The following ADAMTS12 variants were observed in gnomAD, a reference collection of about 807,000 sequenced individuals.
ADAMTS12 encodes ADAM metallopeptidase with thrombospondin type 1 motif 12.
ADAMTS12 carries 118 observed loss-of-function variants against 167.8 expected under a neutral mutation model. The observed-to-expected ratio is 0.70, with a 90% CI of 0.61 to 0.82. ADAMTS12 has a LOEUF of 0.82. ADAMTS12 is among the 40% of genes least tolerant of loss of function. ADAMTS12 has a pLI of 0.00. For synonymous variants in ADAMTS12, 704 were observed against 716.9 expected (o/e 0.98, Z 0.29); for missense variants, 1,916 against 1,998.8 (o/e 0.96, Z 0.79).
intron 3 of ADAMTS12, among the ~76,000 whole-genome samples, chr5:33,749,357 A>T (rs1159523620): frequency 6.6e-6 from 1 of 152,182 alleles, no homozygotes; most frequent in Non-Finnish European, 1.5e-5. Context: ...TCTGACACCA[A>T]TTATCTTGAT....
intron 2 of ADAMTS12, among the ~76,000 whole-genome samples, chr5:33,820,955 A>C (rs1450624659): frequency 6.6e-6 from 1 of 152,174 alleles, no homozygotes; most frequent in Non-Finnish European, 1.5e-5. Context: ...AAAACAACAT[A>C]CACTGCGGCC....
chr5:33,816,420 A>G (rs1371445314), intron 2 of ADAMTS12, among the ~76,000 whole-genome samples: 1 of 152,070 alleles, frequency 6.6e-6, no homozygotes. Flanking sequence ...AACAAGAAAA[A>G]ATATATATTC....
intron 5 of ADAMTS12, among the ~76,000 whole-genome samples, chr5:33,680,851 G>A (rs1263987893): frequency 2.0e-5 from 3 of 152,062 alleles, no homozygotes; most frequent in Non-Finnish European, 4.4e-5. Flanking sequence ...ACAAAATTAG[G>A]TACCAATTTT....
At chr5:33,570,685 C>T (rs1746284883) in intron 19 of ADAMTS12, among the ~76,000 whole-genome samples, 1 of 151,988 alleles carries the variant, frequency 6.6e-6, no homozygotes, top group African/African-American at 2.4e-5. Flanking sequence ...GAAACTGCAT[C>T]AACTAACAAG....
intron 7 of ADAMTS12, 40 bp from the exon 8 acceptor site, chr5:33,649,737 AG>A (rs761210369): frequency 2.3e-5 from 37 of 1,608,522 alleles, no homozygotes; most frequent in African/African-American, 8.0e-5. Context: ...GCCAGCAGGC[AG>A]GCATTAAACA....
At chr5:33,535,285 C>T (rs1561106934) in intron 22 of ADAMTS12, among the ~76,000 whole-genome samples, 1 of 152,192 alleles carries the variant, frequency 6.6e-6, no homozygotes, top group Admixed American at 6.5e-5. Flanking sequence ...CGCCACATGG[C>T]TACAGCACTG....
At chr5:33,651,683 G>C (rs1724640950) in intron 7 of ADAMTS12, among the ~76,000 whole-genome samples, 1 of 152,062 alleles carries the variant, frequency 6.6e-6, no homozygotes, top group Non-Finnish European at 1.5e-5. Flanking sequence ...TACATGTGCA[G>C]GTCTTTTACA....
rs1209963084 is a variant in ADAMTS12 at position 33,524,703 on chromosome 5, AACAGG to A, written c.*2480_*2484del. 1 of 152,270 alleles carries A rather than the reference AACAGG, an allele frequency of 6.6e-6. No homozygotes were observed. The highest frequency in any genetic ancestry group is 1.5e-5 in the Non-Finnish European group (1 of 68,060). The allele number at this position is 152,270 out of a possible 1,614,324, so 9.4% of individuals were successfully genotyped here. A position where few individuals can be genotyped will look rare whatever the true frequency, so the allele number is the denominator to read the frequency against. The stretch of plus-strand genomic sequence containing the variant: ...GATCGCCAAGGCAACAGATGATACC[AACAGG>A]ACAGAAAACAGCAAGCCCTGTCTTC... On this transcript the variant is annotated 3_prime_UTR_variant, in exon 24 of 24. Coordinates refer to ENST00000504830, the MANE Select transcript of ADAMTS12 (RefSeq NM_030955.4).
At chr5:33,716,924 C>T (rs1382084411) in intron 3 of ADAMTS12, among the ~76,000 whole-genome samples, 5 of 152,108 alleles carry the variant, frequency 3.3e-5, no homozygotes, top group African/African-American at 1.2e-4. Context: ...TCTAATAGGA[C>T]TAAATCCTAC....
At chr5:33,884,051 TTC>T (rs141446415) in intron 1 of ADAMTS12, among the ~76,000 whole-genome samples, 2,536 of 152,296 alleles carry the variant, frequency 0.017, 82 homozygotes, top group African/African-American at 0.058. Flanking sequence ...AAATATCTTA[TTC>T]AGCTGGGTAT....
Position 33,887,631 on chromosome 5 carries a change from C to T in ADAMTS12, c.127+4099G>A, listed in dbSNP as rs191946212. 3.4e-4 allele frequency among the ~76,000 whole-genome samples: 52 copies of T among 152,324 alleles called. No homozygotes were observed. In the East Asian group the frequency reaches 6.9e-3, roughly 20 times the overall value. ...TCATGAGAAATTCAAGTAAAGGCTACTGGCACAAGCACTTTTGAAAACACA... is the reference window on the plus strand; with the variant it reads ...TCATGAGAAATTCAAGTAAAGGCTATTGGCACAAGCACTTTTGAAAACACA... On this transcript the variant is annotated intron_variant, in intron 1 of 23. Transcript: ENST00000504830.
intron 5 of ADAMTS12, among the ~76,000 whole-genome samples, chr5:33,663,524 G>A (rs1473296511): frequency 1.3e-5 from 2 of 152,184 alleles, no homozygotes; most frequent in Non-Finnish European, 2.9e-5. Context: ...TACATACGCT[G>A]TCTCTTTTAA....
chr5:33,656,225 A>C (rs532694959), intron 7 of ADAMTS12, among the ~76,000 whole-genome samples: 1 of 152,336 alleles, frequency 6.6e-6, no homozygotes, highest in Non-Finnish European at 1.5e-5. Flanking sequence ...ACTCAGTTCT[A>C]GTCTGTTAAA....
At chr5:33,624,186 C>G (rs938290842) in intron 14 of ADAMTS12, 45 bp downstream of exon 14, 28 of 1,610,756 alleles carry the variant, frequency 1.7e-5, no homozygotes, top group Non-Finnish European at 2.0e-5. Context: ...ATCTTGCCCC[C>G]CACCTTTGGT....
intron 2 of ADAMTS12, among the ~76,000 whole-genome samples, chr5:33,849,594 A>ATTGCATAGCAATACACATG (rs1749131748): frequency 4.7e-5 from 3 of 63,256 alleles, no homozygotes; most frequent in Admixed American, 1.9e-4. Flanking sequence ...CAATACACAT[A>ATTGCATAGCAATACACATG]TGTATTGCAT....
intron 2 of ADAMTS12, among the ~76,000 whole-genome samples, chr5:33,849,591 C>CATATGTATTGCATATCAATAT (rs1749130926): frequency 1.4e-5 from 1 of 68,992 alleles, no homozygotes; most frequent in African/African-American, 5.7e-5. Context: ...TAGCAATACA[C>CATATGTATTGCATATCAATAT]ATATGTATTG....
intron 12 of ADAMTS12, 132 bp from the exon 13 acceptor site, chr5:33,631,045 C>T: frequency 3.0e-6 from 3 of 999,762 alleles, no homozygotes; most frequent in Admixed American, 2.7e-5. Flanking sequence ...CTCCTTGAGA[C>T]ACATGCTGAA....
chr5:33,609,226 T>A (rs890446741), intron 16 of ADAMTS12, among the ~76,000 whole-genome samples: 1 of 152,174 alleles, frequency 6.6e-6, no homozygotes, highest in East Asian at 1.9e-4. Context: ...AAACTCCCTA[T>A]GTGAAATTCA....
Position 33,576,864 on chromosome 5 carries a change from G to C in ADAMTS12, c.3162C>G (p.Thr1054=). ...STPAISSPSP[T]TASKEGDLGG... The stretch of plus-strand genomic sequence containing the variant: ...CCAGGTCTCCTTCTTTGGAGGCTGT[G>C]GTAGGACTAGGGCTGCTGATTGCTG... Residue 1054 remains threonine (T), a synonymous_variant, in exon 19 of 24, where the codon ACC becomes ACG. Coordinates refer to ENST00000504830, the MANE Select transcript of ADAMTS12 (RefSeq NM_030955.4). 1 of 1,614,202 alleles carries C rather than the reference G, an allele frequency of 6.2e-7. No homozygotes were observed. The highest frequency in any genetic ancestry group is 1.1e-5 in the South Asian group (1 of 91,082).
Sources: gnomAD v4.1 joint callset for allele counts (sites outside exome capture counted in the v4.1 genomes callset) on GRCh38, gnomAD v4.1.1 for gene constraint, MANE v1.5 for transcripts, NCBI Gene and HGNC (gene_info 2026-07-23, HGNC 2026-07-21) for gene names.